The following IQCN variants were observed in gnomAD, a reference collection of about 807,000 sequenced individuals.
The protein encoded by IQCN is IQ domain-containing protein N.
In IQCN, 46 loss-of-function variants were observed where a neutral mutation model predicts 64.4. The observed-to-expected ratio is 0.71, with a 90% CI of 0.56 to 0.91. IQCN has a LOEUF of 0.91. Among genes scored for constraint, IQCN ranks in the 40% least tolerant of loss-of-function variants. The pLI is 0.00. For synonymous variants in IQCN, 733 were observed against 775.6 expected, an observed-to-expected ratio of 0.95 and a Z score of 0.91; for missense variants, 1,753 against 1,857.4, an observed-to-expected ratio of 0.94 and a Z score of 1.03.
intron 1 of IQCN, among the ~76,000 whole-genome samples, chr19:18,271,468 C>CA (rs536457866): frequency 0.35 from 33,961 of 97,786 alleles, 4,245 homozygotes; most frequent in Admixed American, 0.44. Context: ...AAACTCAGTT[C>CA]AAAAAAAAAA....
rs748759933 is a variant in IQCN, at chr19:18,267,068, C to T, written c.472G>A (p.Ala158Thr). 3.7e-6 allele frequency: 6 copies of T among 1,614,258 alleles called. No individual in the cohort carries two copies. In the South Asian group the frequency reaches 5.5e-5, roughly 15 times the overall value. ...SSKSLVKKTR[A>T]EEGDIPYHAP... ...TGATAAGGTATGTCCCCCTCCTCCG[C>T]CCTCGTTTTCTTTACCAACGACTTG... The change falls in exon 3 of 4, where the codon GCG becomes ACG. Residue 158 changes from alanine to threonine, a missense_variant. Coordinates refer to ENST00000392413, the MANE Select transcript of IQCN (RefSeq NM_001145304.2).
chr19:18,264,313 G>C lies in IQCN; in HGVS notation c.3177+50C>G. ...CCCCATCTCCTCCAAGGGCCCGGCA[G>C]GTTGGCCCATGGTGAAACAACCCCA... On this transcript the variant is annotated intron_variant, in intron 3 of 3. Transcript: ENST00000392413. The surrounding 1 kb of genome is among the most constrained non-coding windows in gnomAD (Gnocchi z 4.3). The C allele has an allele frequency of 7.1e-7, 1 of 1,410,564 alleles. No individual in the cohort carries two copies. The highest frequency in any genetic ancestry group is 9.3e-7 in the Non-Finnish European group (1 of 1,073,934). 87.4% of individuals were successfully genotyped at this position (1,410,564 alleles called of 1,614,324 possible).
intron 3 of IQCN, chr19:18,261,775 C>T (rs1969433583): frequency 6.4e-6 from 1 of 155,942 alleles, no homozygotes; most frequent in Non-Finnish European, 1.4e-5. Flanking sequence ...CTAGGGGACT[C>T]CCCAGTGGCC....
intron 3 of IQCN, chr19:18,260,662 G>A (rs1969405985): frequency 6.5e-6 from 1 of 152,860 alleles, no homozygotes; most frequent in Non-Finnish European, 1.5e-5. Context: ...ACAGATGGTT[G>A]GGCTTGCCTT....
chr19:18,267,662 TC>T, intron 2 of IQCN, 136 bp from the exon 3 acceptor site: 1 of 1,066,522 alleles, frequency 9.4e-7, no homozygotes, highest in African/African-American at 1.6e-5. Flanking sequence ...CCTTTTTCCA[TC>T]CCTCCCTCTC....
In IQCN at chr19:18,265,925, C is replaced by T. The variant is rs373689344; in HGVS notation, c.1615G>A (p.Gly539Arg). 1.6e-5 allele frequency: 26 copies of T among 1,614,056 alleles called. No homozygotes were observed. The highest frequency in any genetic ancestry group is 1.6e-4 in the Middle Eastern group (1 of 6,082). ...ATGGAGCCTGAGGTGTTGGGAGTTC[C>T]GGCTGCTACCGCCACTTGGGGTGGA... ...KAPPQVAVAAGTPNTSGSIHE... is the reference protein window; with the variant it reads ...KAPPQVAVAARTPNTSGSIHE... The change falls in exon 3 of 4, where the codon GGA becomes AGA. Residue 539 changes from glycine to arginine, a missense_variant. Physicochemically the swap from Gly to Arg is moderately radical, Grantham distance 125. Coordinates refer to ENST00000392413, the MANE Select transcript of IQCN (RefSeq NM_001145304.2). The surrounding 1 kb of genome is among the most constrained non-coding windows in gnomAD (Gnocchi z 4.7).
chr19:18,270,908 T>C (rs572290272), intron 1 of IQCN, among the ~76,000 whole-genome samples: 9 of 151,290 alleles, frequency 5.9e-5, no homozygotes, highest in African/African-American at 2.2e-4. Context: ...GCATGGTGGC[T>C]CACACCTGTC....
Position 18,264,874 on chromosome 19 carries a change from G to A in IQCN, c.2666C>T (p.Ala889Val). Residue 889 changes from alanine to valine, a missense_variant, in exon 3 of 4, where the codon GCA (alanine) becomes GTA (valine). Physicochemically the swap from Ala to Val is moderately conservative, Grantham distance 64. Transcript: ENST00000392413. The surrounding 1 kb of genome is among the most constrained non-coding windows in gnomAD (Gnocchi z 4.3). ...CAGAGTGCGGAGATCCTCCTGGGAT[G>A]CCAGCACACCAGCTACTTCAGCACA... The part of the protein sequence containing the change: ...SLCAEVAGVL[A>V]SQEDLRTLLA... 1.2e-6 allele frequency: 2 copies of A among 1,611,624 alleles called. No individual in the cohort carries two copies. The highest frequency in any genetic ancestry group is 1.7e-6 in the Non-Finnish European group (2 of 1,179,238).
intron 3 of IQCN, chr19:18,260,511 C>G (rs1247172776): frequency 6.6e-6 from 1 of 152,614 alleles, no homozygotes; most frequent in Non-Finnish European, 1.5e-5. Flanking sequence ...TGGGGCCAAC[C>G]TAGTGTCCGG....
chr19:18,270,735 C>T (rs1969717880), intron 1 of IQCN, among the ~76,000 whole-genome samples: 1 of 151,752 alleles, frequency 6.6e-6, no homozygotes, highest in South Asian at 2.1e-4. Context: ...TCACTGCAAC[C>T]TCTGCTTCCC....
In IQCN at chr19:18,257,754, C is replaced by T. The variant is rs201787146; in HGVS notation, c.3530G>A (p.Arg1177Gln). The T allele has an allele frequency of 2.7e-4, 433 of 1,610,768 alleles. 2 individuals are homozygous for T. Among genetic ancestry groups the T allele is most frequent in the African/African-American group, 4.0e-5 (3 of 74,968 alleles). Residue 1177 changes from arginine (R) to glutamine (Q), a missense_variant, in exon 4 of 4, where the codon CGG becomes CAG. Coordinates refer to ENST00000392413, the MANE Select transcript of IQCN (RefSeq NM_001145304.2). ...CATCTGCCAGTGCCGGGCTTGGTCC[C>T]GGCGGGTGCTGTAGCCGCGCCAGGC... The part of the protein sequence containing the change: ...QSAWRGYSTR[R>Q]DQARHWQMLH...
Position 18,266,855 on chromosome 19 carries a change from C to CA in IQCN, c.684dup (p.Ala229CysfsTer49). The CA allele has an allele frequency of 6.2e-7, 1 of 1,613,594 alleles. No homozygotes were observed. Among genetic ancestry groups the CA allele is most frequent in the Non-Finnish European group, 8.5e-7 (1 of 1,179,702 alleles). On this transcript the variant is annotated frameshift_variant, in exon 3 of 4. Coordinates refer to ENST00000392413, the MANE Select transcript of IQCN (RefSeq NM_001145304.2). LOFTEE classifies it high-confidence loss of function. This position sits in a 1 kb window ranked among gnomAD's most constrained non-coding sequence, Gnocchi z 4.3. ...AAGGCCAGCCCCCGGACTCTGGCAG[C>CA]ATGAGGACCCTGCACACAGGGCTCT...
rs766759094 is a variant in IQCN at position 18,266,164 on chromosome 19, G to T, written c.1376C>A (p.Pro459Gln). The change falls in exon 3 of 4, where the codon CCG (proline) becomes CAG (glutamine). Residue 459 changes from proline to glutamine, a missense_variant. Pro to Gln is a moderately conservative substitution (Grantham distance 76). Transcript: ENST00000392413. This position sits in a 1 kb window ranked among gnomAD's most constrained non-coding sequence, Gnocchi z 4.3. ...TGGGTTTTTGGCTGGGGTGGTGACC[G>T]GGTGCATCTGGGGTGGGGTCTTTGC... ...AMAKTPPQMHPVTTPAKNPLQ... is the reference protein window; with the variant it reads ...AMAKTPPQMHQVTTPAKNPLQ... The T allele has an allele frequency of 6.2e-7, 1 of 1,614,118 alleles. No individual in the cohort carries two copies. Among genetic ancestry groups the T allele is most frequent in the East Asian group, 2.2e-5 (1 of 44,872 alleles).
rs1251785160 is a variant in IQCN, at chr19:18,264,502, G to A, written c.3038C>T (p.Thr1013Ile). 1.9e-6 allele frequency: 3 copies of A among 1,551,436 alleles called. No individual in the cohort carries two copies. Among genetic ancestry groups the A allele is most frequent in the East Asian group, 4.9e-5 (2 of 40,914 alleles). The change falls in exon 3 of 4, where the codon ACC becomes ATC. Residue 1013 changes from threonine (T) to isoleucine (I), a missense_variant. Coordinates refer to ENST00000392413, the MANE Select transcript of IQCN (RefSeq NM_001145304.2). The surrounding 1 kb of genome is among the most constrained non-coding windows in gnomAD (Gnocchi z 4.3). ...SWCRVALRTG[T>I]ILPKAASKST... ...TTTCGAGGCGGCCTTGGGGAGGATG[G>A]TTCCAGTCCTCAGGGCCACCCGACA...
At chr19:18,273,910 CCT>C (rs2148115563) in intron 1 of IQCN, among the ~76,000 whole-genome samples, 1 of 152,206 alleles carries the variant, frequency 6.6e-6, no homozygotes, top group African/African-American at 2.4e-5. Flanking sequence ...TGAGTAAACC[CCT>C]CTGAGCCTCA....
In IQCN at chr19:18,264,140, G is replaced by A. The variant is rs1969488365; in HGVS notation, c.3177+223C>T. 6.6e-6 allele frequency among the ~76,000 whole-genome samples: 1 copy of A among 152,168 alleles called. No individual in the cohort carries two copies. Among genetic ancestry groups the A allele is most frequent in the African/African-American group, 2.4e-5 (1 of 41,448 alleles). On this transcript the variant is annotated intron_variant, in intron 3 of 3. Transcript: ENST00000392413. The surrounding 1 kb of genome is among the most constrained non-coding windows in gnomAD (Gnocchi z 4.3). ...CCAGGTTTGAGGAGAAGTCCCTGCT[G>A]GACTCCATCATCTCCCGGGACAGCA...
intron 3 of IQCN, chr19:18,259,787 CT>C (rs1349265729): frequency 5.2e-5 from 8 of 152,494 alleles, no homozygotes; most frequent in African/African-American, 1.9e-4. Flanking sequence ...AAAGATTAGA[CT>C]GAGTCACGGC....
At position 18,257,602 on chromosome 19, in the gene IQCN, C is replaced by A. The variant is rs112108230; in HGVS notation, c.3682G>T (p.Ala1228Ser). 2.5e-6 allele frequency: 4 copies of A among 1,612,656 alleles called. No homozygotes were observed. In the East Asian group the frequency reaches 8.9e-5, roughly 36 times the overall value. ...CTCAGGGAGTGGCAGACGCTGCAAG[C>A]GTGTGCCTGGCAGGACTGGAAGCAG... ...HRCFQSCQAH[A>S]CSVCHSLSSR... The change falls in exon 4 of 4, where the codon GCT (alanine) becomes TCT (serine). Residue 1228 changes from alanine (A) to serine (S), a missense_variant. Ala to Ser is a moderately conservative substitution (Grantham distance 99, BLOSUM62 1). Transcript: ENST00000392413.
chr19:18,269,214 G>C (rs949286872), intron 2 of IQCN, among the ~76,000 whole-genome samples: 10 of 152,092 alleles, frequency 6.6e-5, no homozygotes, highest in Non-Finnish European at 1.5e-4. Flanking sequence ...TAACCCAACA[G>C]GAGGTAGACT....
Sources: gnomAD v4.1 joint callset for allele counts (sites outside exome capture counted in the v4.1 genomes callset) on GRCh38, gnomAD v4.1.1 for gene constraint, Gnocchi (gnomAD v3.1) non-coding constraint, MANE v1.5 for transcripts, NCBI Gene and HGNC (gene_info 2026-07-23, HGNC 2026-07-21) for gene names.